Variants in HTR1F observed in about 807,000 individuals in gnomAD.
HTR1F encodes 5-hydroxytryptamine (serotonin) receptor 1F, G protein-coupled.
Under a neutral mutation model 24.0 loss-of-function variants are expected in HTR1F, and 17 were observed. That is an observed-to-expected ratio of 0.71 (90% CI 0.48 to 1.06). HTR1F has a LOEUF of 1.06. HTR1F is among the 50% of genes least tolerant of loss of function. The probability of loss-of-function intolerance (pLI) is 0.00; values close to 1 mark genes in which losing one functional copy is unlikely to be tolerated. For missense variants in HTR1F, 391 were observed against 427.8 expected (o/e 0.91, Z 0.76); for synonymous variants, 186 against 156.8 (o/e 1.19, Z -1.39).
At chr3:87,908,824 C>T (rs1703718655) in intron 2 of HTR1F, among the ~76,000 whole-genome samples, 1 of 152,004 alleles carries the variant, frequency 6.6e-6, no homozygotes, top group Non-Finnish European at 1.5e-5. Context: ...GTGTCTTTCA[C>T]CTGCTGAAGA....
At chr3:87,955,451 G>C (rs1704923436) in intron 2 of HTR1F, among the ~76,000 whole-genome samples, 1 of 151,344 alleles carries the variant, frequency 6.6e-6, no homozygotes, top group South Asian at 2.1e-4. Context: ...ATTCACCATT[G>C]ATGAATTGGG....
chr3:87,915,385 G>A (rs1703870841), intron 2 of HTR1F, among the ~76,000 whole-genome samples: 1 of 152,152 alleles, frequency 6.6e-6, no homozygotes, highest in Admixed American at 6.6e-5. Context: ...GAATTCAGGA[G>A]GTTAGTTATT....
intron 2 of HTR1F, among the ~76,000 whole-genome samples, chr3:87,842,802 A>G (rs567406032): frequency 6.6e-5 from 10 of 152,028 alleles, no homozygotes; most frequent in Middle Eastern, 3.4e-3. Context: ...CATTTCTAGT[A>G]TGTGAGGAAC....
chr3:87,843,099 T>C (rs1704845487), intron 2 of HTR1F, among the ~76,000 whole-genome samples: 1 of 151,886 alleles, frequency 6.6e-6, no homozygotes, highest in Non-Finnish European at 1.5e-5. Context: ...TCTGTACCTC[T>C]GCATCTGGAA....
intron 2 of HTR1F, among the ~76,000 whole-genome samples, chr3:87,849,962 G>C (rs986097062): frequency 2.6e-5 from 4 of 151,854 alleles, no homozygotes; most frequent in South Asian, 2.1e-4. Context: ...GAAACAACAG[G>C]TGCTGGAGAG....
intron 2 of HTR1F, among the ~76,000 whole-genome samples, chr3:87,900,214 T>C (rs1706290292): frequency 6.6e-6 from 1 of 152,180 alleles, no homozygotes. Context: ...CACAGTCAGA[T>C]AAAGTCTCGT....
chr3:87,812,872 GGCTTCTACATGGT>G (rs1451755926), intron 1 of HTR1F, among the ~76,000 whole-genome samples: 1 of 152,246 alleles, frequency 6.6e-6, no homozygotes, highest in Non-Finnish European at 1.5e-5. Context: ...AAGCCTTGGT[GGCTTCTACATGGT>G]GCTGGGTCTG....
At chr3:87,867,132 T>C (rs756278206) in intron 2 of HTR1F, among the ~76,000 whole-genome samples, 6 of 151,946 alleles carry the variant, frequency 3.9e-5, no homozygotes, top group Non-Finnish European at 7.4e-5. Context: ...CCATGAAATC[T>C]TCCAGAACAC....
At chr3:87,886,045 A>T (rs1705934426) in intron 2 of HTR1F, among the ~76,000 whole-genome samples, 1 of 152,206 alleles carries the variant, frequency 6.6e-6, no homozygotes, top group African/African-American at 2.4e-5. Context: ...AAAAAAAGAC[A>T]ATTTTAGAGC....
intron 2 of HTR1F, among the ~76,000 whole-genome samples, chr3:87,901,702 C>T (rs1410930433): frequency 6.6e-6 from 1 of 151,256 alleles, no homozygotes; most frequent in Non-Finnish European, 1.5e-5. Flanking sequence ...CATATACACT[C>T]ACCAAAAATG....
intron 2 of HTR1F, among the ~76,000 whole-genome samples, chr3:87,874,513 A>G (rs1484851297): frequency 2.0e-5 from 3 of 152,240 alleles, no homozygotes; most frequent in South Asian, 2.1e-4. Flanking sequence ...ATGCAAAGAT[A>G]TCTCACACTC....
At chr3:87,805,374 T>C (rs1704057193) in intron 1 of HTR1F, among the ~76,000 whole-genome samples, 1 of 152,114 alleles carries the variant, frequency 6.6e-6, no homozygotes, top group Admixed American at 6.6e-5. Flanking sequence ...CACAGGGAAA[T>C]ACAGTGTCTC....
chr3:87,925,998 C>T (rs1415843930), intron 2 of HTR1F, among the ~76,000 whole-genome samples: 3 of 152,202 alleles, frequency 2.0e-5, no homozygotes, highest in Non-Finnish European at 4.4e-5. Flanking sequence ...GCACTGGACA[C>T]CTCCAATCAG....
intron 2 of HTR1F, among the ~76,000 whole-genome samples, chr3:87,947,814 A>T (rs1704744745): frequency 1.3e-5 from 2 of 152,190 alleles, no homozygotes; most frequent in African/African-American, 4.8e-5. Context: ...TATTATGTTT[A>T]TTGATAAGCA....
intron 2 of HTR1F, among the ~76,000 whole-genome samples, chr3:87,895,899 GA>G (rs1172737967): frequency 1.3e-5 from 2 of 152,162 alleles, no homozygotes; most frequent in African/African-American, 2.4e-5. Context: ...CAGGGAGAGA[GA>G]AACACTGGCA....
chr3:87,858,822 C>A (rs1316376390), intron 2 of HTR1F, among the ~76,000 whole-genome samples: 1 of 152,110 alleles, frequency 6.6e-6, no homozygotes, highest in Non-Finnish European at 1.5e-5. Flanking sequence ...TTTCTAGTTC[C>A]TTTACAAATC....
At chr3:87,881,768 C>T (rs1439564385) in intron 2 of HTR1F, among the ~76,000 whole-genome samples, 5 of 152,114 alleles carry the variant, frequency 3.3e-5, no homozygotes, top group African/African-American at 9.7e-5. Flanking sequence ...TAGAAGAAAA[C>T]CTAGGCAATA....
At chr3:87,890,954 A>T (rs1349384848) in intron 2 of HTR1F, among the ~76,000 whole-genome samples, 1 of 147,446 alleles carries the variant, frequency 6.8e-6, no homozygotes, top group African/African-American at 2.5e-5. Context: ...CGATTCTCCC[A>T]CCTCAGCCTC....
At position 87,935,668 on chromosome 3, in the gene HTR1F, A is replaced by G. The variant is rs72915611; in HGVS notation, c.-42-55040A>G. Among the ~76,000 whole-genome samples the G allele has an allele frequency of 4.5e-3, 685 of 152,234 alleles. 1 individual carries two copies. The highest frequency in any genetic ancestry group is 0.016 in the African/African-American group (662 of 41,558). ...GTTGAGAATAATCTAAAAACAAACC[A>G]TTTCACTGTTTCATTAAGTTTCCAT... On this transcript the variant is annotated intron_variant, in intron 2 of 2. Coordinates refer to ENST00000319595, the MANE Select transcript of HTR1F (RefSeq NM_001322209.2).
Sources: allele counts gnomAD v4.1 joint callset (sites outside exome capture counted in the v4.1 genomes callset), GRCh38; gene constraint gnomAD v4.1.1; transcripts MANE v1.5; gene names NCBI Gene and HGNC (gene_info 2026-07-23, HGNC 2026-07-21).